Variants in SCIN observed in about 807,000 individuals in gnomAD.
The protein encoded by SCIN is scinderin.
A neutral mutation model predicts 91.8 loss-of-function variants in SCIN; 91 were observed. That is an observed-to-expected ratio of 0.99 (90% confidence interval 0.84 to 1.18). SCIN has a LOEUF of 1.18. Among genes scored for constraint, SCIN ranks in the 50% most tolerant of loss-of-function variants. SCIN has a pLI of 0.00. For missense variants in SCIN, 1,087 were observed against 863.9 expected (o/e 1.26, Z -3.24); for synonymous variants, 367 against 312.6 (o/e 1.17, Z -1.84).
chr7:12,584,956 C>T (rs1413685667), intron 3 of SCIN, among the ~76,000 whole-genome samples: 1 of 152,086 alleles, frequency 6.6e-6, no homozygotes, highest in Non-Finnish European at 1.5e-5. Flanking sequence ...TTCTATTTCC[C>T]AGGAGTAGGA....
intron 9 of SCIN, among the ~76,000 whole-genome samples, chr7:12,632,045 C>T (rs1310322736): frequency 6.6e-6 from 1 of 151,682 alleles, no homozygotes; most frequent in East Asian, 1.9e-4. Flanking sequence ...TTGGGGGTCA[C>T]TCAAAGAGTT....
rs951004799 is a variant in SCIN at position 12,658,467 on chromosome 7, C to G, written c.*5752C>G. 6.6e-6 allele frequency: 1 copy of G among 152,182 alleles called. No individual in the cohort carries two copies. The highest frequency in any genetic ancestry group is 1.5e-5 in the Non-Finnish European group (1 of 68,044). The allele number at this position is 152,182 out of a possible 1,614,324, so 9.4% of individuals were successfully genotyped here. The stretch of plus-strand genomic sequence containing the variant: ...CATTCCCTTTCCAACGAACCTGAGC[C>G]TGGATTCTTCAGTAACACAATGCCT... On this transcript the variant is annotated 3_prime_UTR_variant, in exon 16 of 16. Coordinates refer to ENST00000297029, the MANE Select transcript of SCIN (RefSeq NM_001112706.3).
rs1479747838 is a variant in SCIN, at chr7:12,657,427, T to C, written c.*4712T>C. The C allele has an allele frequency of 6.7e-6, 1 of 149,212 alleles. No individual in the cohort carries two copies. The highest frequency in any genetic ancestry group is 1.5e-5 in the Non-Finnish European group (1 of 67,350). The allele number at this position is 149,212 out of a possible 1,614,324, so 9.2% of individuals were successfully genotyped here. A position where few individuals can be genotyped will look rare whatever the true frequency, so the allele number is the denominator to read the frequency against. ...TTTTGCCATGTTGTCCAGGCTGGTCTTGAACTCCTAGACTCAGGAAATCCA... is the reference window on the plus strand; with the variant it reads ...TTTTGCCATGTTGTCCAGGCTGGTCCTGAACTCCTAGACTCAGGAAATCCA... On this transcript the variant is annotated 3_prime_UTR_variant, in exon 16 of 16. Transcript: ENST00000297029.
chr7:12,638,455 T>G (rs1260496389), intron 10 of SCIN, among the ~76,000 whole-genome samples: 1 of 152,200 alleles, frequency 6.6e-6, no homozygotes, highest in African/African-American at 2.4e-5. Context: ...ACTTGGCCAA[T>G]GCAGTGATGT....
chr7:12,596,102 C>T (rs546750469), intron 3 of SCIN, among the ~76,000 whole-genome samples: 102 of 152,274 alleles, frequency 6.7e-4, no homozygotes, highest in African/African-American at 2.1e-3. Context: ...AGGTCAAGCG[C>T]GGTGTTTACT....
At chr7:12,648,342 G>A (rs1321521570) in intron 13 of SCIN, among the ~76,000 whole-genome samples, 1 of 146,802 alleles carries the variant, frequency 6.8e-6, no homozygotes, top group South Asian at 2.1e-4. Context: ...TGTTGCCCAG[G>A]CTGGAGTGCA....
At chr7:12,604,453 C>T in intron 3 of SCIN, 61 bp from the exon 4 acceptor site, 8 of 1,439,160 alleles carry the variant, frequency 5.6e-6, no homozygotes, top group Non-Finnish European at 6.7e-6. Flanking sequence ...ACAAGTATTA[C>T]ACTGAGGCTG....
chr7:12,583,492 A>G (rs979466432), intron 3 of SCIN, among the ~76,000 whole-genome samples: 1 of 151,892 alleles, frequency 6.6e-6, no homozygotes, highest in Non-Finnish European at 1.5e-5. Context: ...CCTACTTTAC[A>G]TTTTTTTCAC....
intron 13 of SCIN, 46 bp downstream of exon 13, chr7:12,644,751 C>T (rs958644269): frequency 9.8e-6 from 15 of 1,536,146 alleles, no homozygotes; most frequent in Middle Eastern, 1.7e-4. Context: ...TGCGGTGGCT[C>T]ATGCCTGTAA....
rs570021828 is a variant in SCIN at position 12,617,386 on chromosome 7, G to A, written c.667-5415G>A. 9.2e-5 allele frequency among the ~76,000 whole-genome samples: 14 copies of A among 152,212 alleles called. No individual in the cohort carries two copies. In the East Asian group the frequency reaches 2.5e-3, roughly 27 times the overall value. ...CCTGCCTGATCCTGCCAAGTGAAGG[G>A]AGGTGTCAAAAAGACAATGGAAGAA... On this transcript the variant is annotated intron_variant, in intron 4 of 15. Transcript: ENST00000297029.
intron 4 of SCIN, among the ~76,000 whole-genome samples, chr7:12,612,131 T>G (rs2115259512): frequency 6.6e-6 from 1 of 152,310 alleles, no homozygotes; most frequent in African/African-American, 2.4e-5. Flanking sequence ...TTTAGCTTCC[T>G]TATTTATCCT....
intron 1 of SCIN, among the ~76,000 whole-genome samples, chr7:12,574,514 C>G (rs1782330589): frequency 6.6e-6 from 1 of 152,000 alleles, no homozygotes; most frequent in Non-Finnish European, 1.5e-5. Context: ...TTTTATAGAA[C>G]TAAATGCACA....
intron 3 of SCIN, among the ~76,000 whole-genome samples, chr7:12,594,565 G>A (rs1373892590): frequency 6.6e-6 from 1 of 152,206 alleles, no homozygotes; most frequent in African/African-American, 2.4e-5. Context: ...CAGTATTGCA[G>A]TAAAAGATAA....
In SCIN at chr7:12,654,798, C is replaced by G. The variant is rs1406589477; in HGVS notation, c.*2083C>G. The G allele has an allele frequency of 2.0e-5, 3 of 152,116 alleles. No homozygotes were observed. The East Asian group carries it at 5.8e-4, about 29-fold the overall frequency. 9.4% of individuals were successfully genotyped at this position (152,116 alleles called of 1,614,324 possible). ...GCAATATCAAAAATGAGATCAGCAG[C>G]AAGATGATAAGGCAGAATAAAAGTT... On this transcript the variant is annotated 3_prime_UTR_variant, in exon 16 of 16. Coordinates refer to ENST00000297029, the MANE Select transcript of SCIN (RefSeq NM_001112706.3).
chr7:12,606,969 A>G (rs1162646717), intron 4 of SCIN, among the ~76,000 whole-genome samples: 1 of 152,214 alleles, frequency 6.6e-6, no homozygotes, highest in African/African-American at 2.4e-5. Context: ...TAAGTCTTCT[A>G]ACTTGGCATA....
intron 4 of SCIN, among the ~76,000 whole-genome samples, chr7:12,607,934 C>T (rs1783111888): frequency 6.6e-6 from 1 of 152,156 alleles, no homozygotes; most frequent in African/African-American, 2.4e-5. Context: ...TTTTCACTAA[C>T]CTCTTAACTG....
At chr7:12,587,336 T>C in intron 3 of SCIN, among the ~76,000 whole-genome samples, 1 of 152,194 alleles carries the variant, frequency 6.6e-6, no homozygotes, top group East Asian at 1.9e-4. Flanking sequence ...TATGTAATAT[T>C]GTAGCCTGGG....
chr7:12,651,207 A>G lies in SCIN; in HGVS notation c.1960-634A>G, dbSNP rs1784072003. Among the ~76,000 whole-genome samples, 2 of 152,322 alleles carry G rather than the reference A, an allele frequency of 1.3e-5. No homozygotes were observed. Among genetic ancestry groups the G allele is most frequent in the African/African-American group, 4.8e-5 (2 of 41,572 alleles). Reference sequence around the variant, plus strand: ...TGGGAGGGAGAGAAGAGGCCTGGCTAGGAAAGATGGTCTTGTTATGGATAA... The same window carrying G: ...TGGGAGGGAGAGAAGAGGCCTGGCTGGGAAAGATGGTCTTGTTATGGATAA... On this transcript the variant is annotated intron_variant, in intron 14 of 15. Coordinates refer to ENST00000297029, the MANE Select transcript of SCIN (RefSeq NM_001112706.3). This position sits in a 1 kb window ranked among gnomAD's most constrained non-coding sequence, Gnocchi z 5.9.
At chr7:12,575,761 GT>G (rs1782357428) in intron 1 of SCIN, among the ~76,000 whole-genome samples, 1 of 151,676 alleles carries the variant, frequency 6.6e-6, no homozygotes, top group African/African-American at 2.4e-5. Context: ...AAGCAGATTC[GT>G]AGGGGAAAAC....
Sources: gnomAD v4.1 joint callset for allele counts (sites outside exome capture counted in the v4.1 genomes callset) on GRCh38, gnomAD v4.1.1 for gene constraint, Gnocchi (gnomAD v3.1) non-coding constraint, MANE v1.5 for transcripts, NCBI Gene and HGNC (gene_info 2026-07-23, HGNC 2026-07-21) for gene names.